The following TUBB3 variants were observed in gnomAD, a reference collection of about 807,000 sequenced individuals.
The protein encoded by TUBB3 is tubulin beta 3 class III, also known as tubulin beta-3 chain.
TUBB3 carries 17 observed loss-of-function variants against 37.8 expected under a neutral mutation model. The observed-to-expected ratio is 0.45, with a 90% confidence interval of 0.31 to 0.67. TUBB3 has a LOEUF of 0.67. Ranked by LOEUF, TUBB3 falls within the 30% of genes least tolerant of loss-of-function variation. TUBB3 has a pLI of 0.07. For synonymous variants in TUBB3, 332 were observed against 278.9 expected (o/e 1.19, Z -1.90); for missense variants, 262 against 657.9 (o/e 0.40, Z 6.58).
chr16:89,923,795 T>C (rs1265624446), intron 1 of TUBB3, among the ~76,000 whole-genome samples: 1 of 152,050 alleles, frequency 6.6e-6, no homozygotes, highest in Non-Finnish European at 1.5e-5. Context: ...CGTGGCCCTC[T>C]TTTTTGGGGC....
intron 3 of TUBB3, 86 bp from the exon 4 acceptor site, chr16:89,934,643 T>A: frequency 7.5e-7 from 1 of 1,340,966 alleles, no homozygotes; most frequent in Non-Finnish European, 1.1e-6. Context: ...CTGCCACGGC[T>A]GCCCTTGGGA....
At chr16:89,934,595 GT>G (rs2030389008) in intron 3 of TUBB3, 133 bp from the exon 4 acceptor site, 2 of 887,876 alleles carry the variant, frequency 2.3e-6, no homozygotes, top group South Asian at 3.2e-5. Context: ...GGGGTGCTCA[GT>G]GGGGCCTACT....
Position 89,936,000 on chromosome 16 carries a change from T to C in TUBB3, c.*196T>C, listed in dbSNP as rs980571245. ...TGAGCTGCTCCTGTCTCTGTCTTATTGCAGCTCCAGGCCTGACGTTTTACG... is the reference window on the plus strand; with the variant it reads ...TGAGCTGCTCCTGTCTCTGTCTTATCGCAGCTCCAGGCCTGACGTTTTACG... On this transcript the variant is annotated 3_prime_UTR_variant, in exon 4 of 4. Coordinates refer to ENST00000315491, the MANE Select transcript of TUBB3 (RefSeq NM_006086.4). 4.6e-5 allele frequency: 31 copies of C among 670,744 alleles called. No homozygotes were observed. Among genetic ancestry groups the C allele is most frequent in the Non-Finnish European group, 7.0e-5 (28 of 398,456 alleles). The allele number at this position is 670,744 out of a possible 1,614,324, so 41.5% of individuals were successfully genotyped here.
upstream of TUBB3, chr16:89,922,611 G>C (rs1171631667): frequency 1.3e-5 from 2 of 152,004 alleles, no homozygotes; most frequent in African/African-American, 4.8e-5. Flanking sequence ...TTCCTGACAC[G>C]GATGCGCACC....
chr16:89,931,140 T>C (rs2030265594), intron 1 of TUBB3, among the ~76,000 whole-genome samples: 1 of 152,176 alleles, frequency 6.6e-6, no homozygotes, highest in Non-Finnish European at 1.5e-5. Flanking sequence ...TAGAGGCATC[T>C]TAAAACACAT....
In TUBB3 at chr16:89,934,817, G is replaced by A. The variant is rs1597424665; in HGVS notation, c.366G>A (p.Lys122=). ...ATTCGGTCCTGGATGTGGTGCGGAA[G>A]GAGTGTGAAAACTGCGACTGCCTGC... ...LVDSVLDVVR[K]ECENCDCLQG... The change falls in exon 4 of 4, where the codon AAG becomes AAA. Residue 122 remains lysine, a synonymous_variant. Coordinates refer to ENST00000315491, the MANE Select transcript of TUBB3 (RefSeq NM_006086.4). 6.2e-7 allele frequency: 1 copy of A among 1,614,196 alleles called. No individual in the cohort carries two copies. The highest frequency in any genetic ancestry group is 1.1e-5 in the South Asian group (1 of 91,084).
rs1395537097 is a variant in TUBB3, at chr16:89,933,175, G to T, written c.167-293G>T. On this transcript the variant is annotated intron_variant, in intron 2 of 3. Transcript: ENST00000315491. ...ACTCCTGGACTCAAGCGATCCACCTGCCTTGGCCTCCCAAAGTGTTGGGAG... is the reference window on the plus strand; with the variant it reads ...ACTCCTGGACTCAAGCGATCCACCTTCCTTGGCCTCCCAAAGTGTTGGGAG... 4 of 655,858 alleles carry T rather than the reference G, an allele frequency of 6.1e-6. No individual in the cohort carries two copies. In the African/African-American group the frequency reaches 7.1e-5, roughly 12 times the overall value. 40.6% of individuals were successfully genotyped at this position (655,858 alleles called of 1,614,324 possible).
In TUBB3 at chr16:89,935,149, T is replaced by A; in HGVS notation, c.698T>A (p.Met233Lys). 6.2e-7 allele frequency: 1 copy of A among 1,614,054 alleles called. No individual in the cohort carries two copies. The highest frequency in any genetic ancestry group is 1.1e-5 in the South Asian group (1 of 91,078). ...GDLNHLVSATMSGVTTSLRFP... is the reference protein window; with the variant it reads ...GDLNHLVSATKSGVTTSLRFP... ...CTCAACCACCTGGTATCGGCCACCA[T>A]GAGCGGAGTCACCACCTCCTTGCGC... is the stretch of plus-strand genomic sequence containing the variant. Residue 233 changes from methionine to lysine, a missense_variant, in exon 4 of 4, where the codon ATG becomes AAG. Physicochemically the swap from Met to Lys is moderately conservative, Grantham distance 95. Transcript: ENST00000315491.
chr16:89,923,163 G>A (rs554890349), upstream of TUBB3: 508 of 183,778 alleles, frequency 2.8e-3, no homozygotes, highest in Non-Finnish European at 4.0e-3. Flanking sequence ...AGCGCTGGGG[G>A]ATCCTTGGCT....
intron 1 of TUBB3, among the ~76,000 whole-genome samples, chr16:89,930,392 C>T (rs35282645): frequency 0.15 from 22,804 of 151,604 alleles, 2,822 homozygotes; most frequent in African/African-American, 0.34. Context: ...GGTGAGCCAC[C>T]GTGCCCAGCT....
intron 1 of TUBB3, among the ~76,000 whole-genome samples, chr16:89,931,286 T>C (rs2030269613): frequency 6.6e-6 from 1 of 152,254 alleles, no homozygotes; most frequent in Non-Finnish European, 1.5e-5. Flanking sequence ...ACCTGCTTTT[T>C]TCTTGAGGAA....
chr16:89,932,055 C>T (rs1254603760), intron 1 of TUBB3: 2 of 291,938 alleles, frequency 6.9e-6, no homozygotes, highest in African/African-American at 2.2e-5. Context: ...CCAGTAATGT[C>T]CTGGCACCAT....
At chr16:89,934,684 CAG>C in intron 3 of TUBB3, 43 bp from the exon 4 acceptor site, 3 of 1,591,402 alleles carry the variant, frequency 1.9e-6, no homozygotes, top group Non-Finnish European at 2.6e-6. Flanking sequence ...GTCTGGACTG[CAG>C]AGTCCCTGGC....
chr16:89,929,111 C>T (rs901832742), intron 1 of TUBB3, among the ~76,000 whole-genome samples: 9 of 151,982 alleles, frequency 5.9e-5, no homozygotes, highest in Non-Finnish European at 7.4e-5. Flanking sequence ...TACAGGTGCG[C>T]GCTACCACGC....
At chr16:89,926,181 C>T (rs910083209) in intron 1 of TUBB3, among the ~76,000 whole-genome samples, 1 of 152,166 alleles carries the variant, frequency 6.6e-6, no homozygotes, top group Non-Finnish European at 1.5e-5. Flanking sequence ...CTCCCCGGGG[C>T]GGGGTTCGCC....
In TUBB3 at chr16:89,935,823, T is replaced by C. The variant is rs1270952495; in HGVS notation, c.*19T>C. ...CAAGTGAAGCTGCTCGCAGCTGGAGTGAGAGGCAGGTGGCGGCCGGGGCCG... is the reference window on the plus strand; with the variant it reads ...CAAGTGAAGCTGCTCGCAGCTGGAGCGAGAGGCAGGTGGCGGCCGGGGCCG... On this transcript the variant is annotated 3_prime_UTR_variant, in exon 4 of 4. Coordinates refer to ENST00000315491, the MANE Select transcript of TUBB3 (RefSeq NM_006086.4). The C allele has an allele frequency of 1.2e-6, 2 of 1,607,870 alleles. No individual in the cohort carries two copies. Among genetic ancestry groups the C allele is most frequent in the East Asian group, 2.2e-5 (1 of 44,746 alleles).
chr16:89,922,177 G>GA (rs2029906032), upstream of TUBB3: 1 of 152,456 alleles, frequency 6.6e-6, no homozygotes, highest in Non-Finnish European at 1.5e-5. Context: ...AGAAAAGAGA[G>GA]AGACAGGTAC....
At chr16:89,926,553 G>C (rs961501262) in intron 1 of TUBB3, among the ~76,000 whole-genome samples, 1 of 152,230 alleles carries the variant, frequency 6.6e-6, no homozygotes, top group Non-Finnish European at 1.5e-5. Flanking sequence ...TCGAACGCCG[G>C]GTTCTGCTTT....
intron 1 of TUBB3, among the ~76,000 whole-genome samples, chr16:89,927,447 A>T (rs2030126826): frequency 1.3e-5 from 2 of 152,178 alleles, no homozygotes; most frequent in African/African-American, 4.8e-5. Flanking sequence ...ATTAATTTTA[A>T]CTACAAAAGC....
Sources: gnomAD v4.1 joint callset for allele counts (sites outside exome capture counted in the v4.1 genomes callset) on GRCh38, gnomAD v4.1.1 for gene constraint, MANE v1.5 for transcripts, NCBI Gene and HGNC (gene_info 2026-07-23, HGNC 2026-07-21) for gene names.